The following EIF3J variants were observed in gnomAD, a reference collection of about 807,000 sequenced individuals.
EIF3J encodes the protein eukaryotic translation initiation factor 3, subunit 1 (alpha, 35kD).
In EIF3J, 15 loss-of-function variants were observed where a neutral mutation model predicts 39.0. The observed-to-expected ratio is 0.38, with a 90% CI of 0.26 to 0.59. The LOEUF (loss-of-function observed/expected upper bound fraction) is 0.59, where lower values mean the gene tolerates loss of function less well. Among genes scored for constraint, EIF3J ranks in the 20% least tolerant of loss-of-function variants. The pLI, the probability that EIF3J is intolerant of heterozygous loss-of-function variation, is 0.60. For synonymous variants in EIF3J, 98 were observed against 112.9 expected, an observed-to-expected ratio of 0.87 and a Z score of 0.84; for missense variants, 226 against 308.6, an observed-to-expected ratio of 0.73 and a Z score of 2.00.
chr15:44,556,949 C>T (rs1351095930), intron 5 of EIF3J, among the ~76,000 whole-genome samples: 2 of 152,106 alleles, frequency 1.3e-5, no homozygotes, highest in South Asian at 2.1e-4. Flanking sequence ...CAGGTGTGAG[C>T]CACTGTGTCT....
chr15:44,558,555 C>T (rs543255610), intron 6 of EIF3J, among the ~76,000 whole-genome samples: 28 of 152,160 alleles, frequency 1.8e-4, no homozygotes, highest in African/African-American at 1.9e-4. Context: ...TTCTCCTGCT[C>T]AGACTCCTGA....
chr15:44,560,933 G>T (rs2082188067), intron 7 of EIF3J, 85 bp from the exon 8 acceptor site: 4 of 1,527,750 alleles, frequency 2.6e-6, no homozygotes, highest in Admixed American at 2.0e-5. Flanking sequence ...AAAGGTTTTT[G>T]TGTGTTTGTT....
At position 44,561,462 on chromosome 15, in the gene EIF3J, A is replaced by C. The variant is rs766987494; in HGVS notation, c.*313A>C. 13 of 224,020 alleles carry C rather than the reference A, an allele frequency of 5.8e-5. No homozygotes were observed. Among genetic ancestry groups the C allele is most frequent in the African/African-American group, 9.1e-5 (4 of 44,094 alleles). The allele number at this position is 224,020 out of a possible 1,614,324, so 13.9% of individuals were successfully genotyped here. On this transcript the variant is annotated 3_prime_UTR_variant, in exon 8 of 8. Coordinates refer to ENST00000261868, the MANE Select transcript of EIF3J (RefSeq NM_003758.4). The stretch of plus-strand genomic sequence containing the variant: ...TGGAAACAAAAGGTTGCAACGTGAC[A>C]AAAAAAATTGTGTAGTATTTACCAG...
intron 6 of EIF3J, among the ~76,000 whole-genome samples, chr15:44,559,922 A>T (rs1319480192): frequency 6.6e-6 from 1 of 152,024 alleles, no homozygotes; most frequent in Non-Finnish European, 1.5e-5. Flanking sequence ...AATAAAATGA[A>T]TTTTGTTTTC....
At chr15:44,552,441 C>T (rs553630326) in intron 4 of EIF3J, among the ~76,000 whole-genome samples, 50 of 152,258 alleles carry the variant, frequency 3.3e-4, no homozygotes, top group Non-Finnish European at 3.4e-4. Context: ...GATGGGGTTT[C>T]GCCATGTTGG....
intron 2 of EIF3J, among the ~76,000 whole-genome samples, chr15:44,549,953 C>CA (rs761682769): frequency 0.01 from 999 of 95,544 alleles, 10 homozygotes; most frequent in East Asian, 0.065. Context: ...AACTCCGTCT[C>CA]AAAAAAAAAA....
At chr15:44,542,909 T>TTTAATTTG (rs1179498133) in intron 2 of EIF3J, among the ~76,000 whole-genome samples, 1 of 152,248 alleles carries the variant, frequency 6.6e-6, no homozygotes, top group African/African-American at 2.4e-5. Flanking sequence ...TTTAATTGGA[T>TTTAATTTG]GTTCATAGGT....
At chr15:44,553,966 G>C (rs1378172499) in intron 4 of EIF3J, among the ~76,000 whole-genome samples, 2 of 152,100 alleles carry the variant, frequency 1.3e-5, no homozygotes, top group East Asian at 3.8e-4. Context: ...GGTTATAGAA[G>C]TAACCCCAGT....
chr15:44,545,574 ATTAG>A (rs1024862211), intron 2 of EIF3J, among the ~76,000 whole-genome samples: 3 of 152,228 alleles, frequency 2.0e-5, no homozygotes, highest in African/African-American at 7.2e-5. Context: ...CTTTTTTAAA[ATTAG>A]TTTTTATAAT....
chr15:44,561,062 G>A lies in EIF3J; in HGVS notation c.690G>A (p.Gly230=). 3 of 1,613,654 alleles carry A rather than the reference G, an allele frequency of 1.9e-6. No individual in the cohort carries two copies. The highest frequency in any genetic ancestry group is 2.5e-6 in the Non-Finnish European group (3 of 1,179,814). The change falls in exon 8 of 8, where the codon GGG becomes GGA. Residue 230 remains glycine, a synonymous_variant. Coordinates refer to ENST00000261868, the MANE Select transcript of EIF3J (RefSeq NM_003758.4). The stretch of plus-strand genomic sequence containing the variant: ...AGAAGAAAGGTGTGGTTCCTGGAGG[G>A]GGATTAAAAGCCACCATGAAAGATG... The part of the protein sequence containing the change: ...KKKKKGVVPG[G]GLKATMKDDL...
At chr15:44,560,423 A>G (rs1014885243) in intron 7 of EIF3J, 101 bp downstream of exon 7, 10 of 1,096,574 alleles carry the variant, frequency 9.1e-6, no homozygotes, top group African/African-American at 7.9e-5. Flanking sequence ...TTAAAAGTCA[A>G]GCAACTCACT....
chr15:44,553,114 A>T (rs2082114154), intron 4 of EIF3J, among the ~76,000 whole-genome samples: 1 of 151,718 alleles, frequency 6.6e-6, no homozygotes, highest in Admixed American at 6.6e-5. Context: ...TGAGCCCAGG[A>T]AGTTGAGGCT....
At chr15:44,540,840 A>C (rs1052419550) in intron 2 of EIF3J, among the ~76,000 whole-genome samples, 1 of 152,226 alleles carries the variant, frequency 6.6e-6, no homozygotes, top group Non-Finnish European at 1.5e-5. Flanking sequence ...GTCAGCATCT[A>C]GTACTTAACC....
At chr15:44,548,239 A>T (rs527433038) in intron 2 of EIF3J, among the ~76,000 whole-genome samples, 2 of 152,110 alleles carry the variant, frequency 1.3e-5, no homozygotes, top group South Asian at 4.2e-4. Flanking sequence ...ACATGGAGAA[A>T]CCCCGTCTCT....
chr15:44,555,442 G>GCTGA (rs2082136718), intron 5 of EIF3J, among the ~76,000 whole-genome samples: 1 of 152,124 alleles, frequency 6.6e-6, no homozygotes, highest in Non-Finnish European at 1.5e-5. Flanking sequence ...AGATCAACAG[G>GCTGA]CTGACTGTAG....
intron 5 of EIF3J, 73 bp downstream of exon 5, chr15:44,554,740 C>T (rs1228009411): frequency 3.3e-5 from 30 of 918,048 alleles, no homozygotes; most frequent in Non-Finnish European, 4.2e-5. Context: ...CAGAAAACAT[C>T]TCCTTTTCTT....
chr15:44,561,119 A>G lies in EIF3J; in HGVS notation c.747A>G (p.Gly249=). The G allele has an allele frequency of 2.5e-6, 4 of 1,613,226 alleles. No homozygotes were observed. Among genetic ancestry groups the G allele is most frequent in the Non-Finnish European group, 3.4e-6 (4 of 1,179,792 alleles). The change falls in exon 8 of 8, where the codon GGA becomes GGG. Residue 249 remains glycine, a synonymous_variant. Transcript: ENST00000261868. ...DLADYGGYDG[G]YVQDYEDFM ...CAGATTATGGTGGTTATGATGGAGG[A>G]TATGTACAAGACTATGAAGACTTCA...
intron 5 of EIF3J, 42 bp downstream of exon 5, chr15:44,554,709 C>A (rs777362492): frequency 4.6e-6 from 6 of 1,298,518 alleles, no homozygotes; most frequent in Non-Finnish European, 6.5e-6. Context: ...TAAACTGTTA[C>A]AGGTGAAGAC....
intron 4 of EIF3J, 101 bp from the exon 5 acceptor site, chr15:44,554,448 TTTTA>T (rs1199582035): frequency 4.2e-6 from 2 of 481,866 alleles, no homozygotes; most frequent in Non-Finnish European, 7.3e-6. Flanking sequence ...CAGTGTTCAC[TTTTA>T]TTTGTTATTA....
Sources: allele counts gnomAD v4.1 joint callset (sites outside exome capture counted in the v4.1 genomes callset), GRCh38; gene constraint gnomAD v4.1.1; transcripts MANE v1.5; gene names NCBI Gene and HGNC (gene_info 2026-07-23, HGNC 2026-07-21).